The following MIB1 variants were observed in gnomAD, a reference collection of about 807,000 sequenced individuals.
MIB1 encodes E3 ubiquitin-protein ligase MIB1.
A neutral mutation model predicts 124.5 loss-of-function variants in MIB1; 278 were observed. The ratio of observed to expected loss-of-function variants is 2.23; its 90% CI spans 2.02 to 2.47. The LOEUF is 2.47. Among genes scored for constraint, MIB1 ranks in the 30% most tolerant of loss-of-function variants. The pLI, the probability that MIB1 is intolerant of heterozygous loss-of-function variation, is 0.00. For missense variants in MIB1, 957 were observed against 1,254.4 expected (o/e 0.76, Z 3.58); for synonymous variants, 446 against 429.4 (o/e 1.04, Z -0.48).
At chr18:21,828,046 AAAT>A (rs748862648) in intron 12 of MIB1, 2 of 152,102 alleles carry the variant, frequency 1.3e-5, no homozygotes, top group East Asian at 1.9e-4. Context: ...AATTTTTTAT[AAAT>A]AATATACAAA....
chr18:21,706,615 C>A (rs1411349966), intron 1 of MIB1, among the ~76,000 whole-genome samples: 1 of 152,052 alleles, frequency 6.6e-6, no homozygotes, highest in African/African-American at 2.4e-5. Flanking sequence ...ACTCTGAGCG[C>A]CGGCTGGCAC....
intron 3 of MIB1, among the ~76,000 whole-genome samples, chr18:21,772,856 G>A (rs117545555): frequency 0.022 from 3,372 of 152,188 alleles, 58 homozygotes; most frequent in Non-Finnish European, 0.035. Context: ...TGCCACCAAG[G>A]CTCTTCAAGA....
intron 6 of MIB1, among the ~76,000 whole-genome samples, chr18:21,783,425 T>A (rs952542335): frequency 6.6e-6 from 1 of 152,012 alleles, no homozygotes; most frequent in Admixed American, 6.5e-5. Context: ...GTATTTTTAG[T>A]AGAGATGGGG....
chr18:21,740,334 T>C (rs1343125571), upstream of MIB1, among the ~76,000 whole-genome samples: 1 of 152,238 alleles, frequency 6.6e-6, no homozygotes, highest in Admixed American at 6.5e-5. Flanking sequence ...ACACACCTTC[T>C]AAAAGTCTTT....
intron 12 of MIB1, among the ~76,000 whole-genome samples, chr18:21,835,571 GCCT>G (rs2042019472): frequency 6.6e-6 from 1 of 151,602 alleles, no homozygotes; most frequent in Non-Finnish European, 1.5e-5. Context: ...TTCAAGACCG[GCCT>G]GGCCAAGATG....
At chr18:21,723,116 A>G (rs1420440207) in intron 1 of MIB1, among the ~76,000 whole-genome samples, 1 of 152,176 alleles carries the variant, frequency 6.6e-6, no homozygotes, top group Non-Finnish European at 1.5e-5. Context: ...GTATAGACTC[A>G]ATGTATATTT....
At chr18:21,722,860 A>G (rs1216135043) in intron 1 of MIB1, among the ~76,000 whole-genome samples, 1 of 152,152 alleles carries the variant, frequency 6.6e-6, no homozygotes, top group Non-Finnish European at 1.5e-5. Flanking sequence ...TAGCCACATG[A>G]CATCACCAGG....
rs865983392 is a variant in MIB1 at position 21,755,099 on chromosome 18, G to T, written c.230-10673G>T. On this transcript the variant is annotated intron_variant, in intron 1 of 20. Coordinates refer to ENST00000261537, the MANE Select transcript of MIB1 (RefSeq NM_020774.4). ...TTTCATTGTTTCCCCACTTCTAGGG[G>T]TGGTGTATTATGTGGTTTGTCTTGT... Among the ~76,000 whole-genome samples the T allele has an allele frequency of 1.2e-4, 18 of 152,148 alleles. No homozygotes were observed. In the South Asian group the frequency reaches 1.9e-3, roughly 16 times the overall value.
At chr18:21,705,268 G>A (rs944662841) in intron 1 of MIB1, 2 of 152,194 alleles carry the variant, frequency 1.3e-5, no homozygotes, top group African/African-American at 2.4e-5. Context: ...CAACAGTGAG[G>A]ACATCATACT....
rs1372950409 is a variant in MIB1 at position 21,869,053 on chromosome 18, T to G, written c.*4387T>G. The G allele has an allele frequency of 6.6e-6, 1 of 152,472 alleles. No homozygotes were observed. Among genetic ancestry groups the G allele is most frequent in the Non-Finnish European group, 1.5e-5 (1 of 67,900 alleles). 9.4% of individuals were successfully genotyped at this position (152,472 alleles called of 1,614,324 possible). A position where few individuals can be genotyped will look rare whatever the true frequency, so the allele number is the denominator to read the frequency against. The stretch of plus-strand genomic sequence containing the variant: ...TGTGAGTAAAGAGGAAATGGGAACC[T>G]GAGGTTAAAATTGACATTTTTGTTT... On this transcript the variant is annotated 3_prime_UTR_variant, in exon 21 of 21. Coordinates refer to ENST00000261537, the MANE Select transcript of MIB1 (RefSeq NM_020774.4).
intron 18 of MIB1, 50 bp downstream of exon 18, chr18:21,853,268 G>A (rs2042197388): frequency 2.2e-6 from 3 of 1,369,272 alleles, no homozygotes; most frequent in Admixed American, 2.0e-5. Context: ...AATAGAAAGT[G>A]AAACAAAAAT....
At chr18:21,813,005 T>C (rs1443087278) in intron 10 of MIB1, among the ~76,000 whole-genome samples, 2 of 152,172 alleles carry the variant, frequency 1.3e-5, no homozygotes, top group Non-Finnish European at 2.9e-5. Flanking sequence ...AATTTTCTAG[T>C]GTGCGTGTGT....
At chr18:21,750,104 G>A (rs1017889023) in intron 1 of MIB1, among the ~76,000 whole-genome samples, 13 of 151,692 alleles carry the variant, frequency 8.6e-5, no homozygotes, top group African/African-American at 2.9e-4. Context: ...AAACTAAACA[G>A]TCTCTTTAAT....
chr18:21,779,645 GA>G lies in MIB1; in HGVS notation c.870del (p.Asp291IlefsTer5). ...AACTGGAACTGTTTGTGGCATTGATGAAGATCATGACATTGTAGTACAGTAT... is the reference window on the plus strand; with the variant it reads ...AACTGGAACTGTTTGTGGCATTGATGAGATCATGACATTGTAGTACAGTAT... Reference protein sequence around the residue: ...TTTGTVCGIDEDHDIVVQYPS... With the variant: ...TTTGTVCGIDXDHDIVVQYPS... On this transcript the variant is annotated frameshift_variant, in exon 6 of 21. Coordinates refer to ENST00000261537, the MANE Select transcript of MIB1 (RefSeq NM_020774.4). LOFTEE classifies it high-confidence loss of function. 1.2e-6 allele frequency: 2 copies of G among 1,614,134 alleles called. No individual in the cohort carries two copies. Among genetic ancestry groups the G allele is most frequent in the Non-Finnish European group, 1.7e-6 (2 of 1,179,982 alleles).
intron 6 of MIB1, among the ~76,000 whole-genome samples, chr18:21,786,982 CT>C (rs1010076206): frequency 6.7e-6 from 1 of 149,718 alleles, no homozygotes; most frequent in African/African-American, 2.4e-5. Context: ...TGTTTATTTT[CT>C]TATCTGCCTT....
Position 21,799,979 on chromosome 18 carries a change from G to A in MIB1, c.1371+5G>A, listed in dbSNP as rs372932176. Reference sequence around the variant, plus strand: ...CTTAAAAGACCAGATGTGGATGTGAGCATTTTAAAAATTATTTTGAAGCAT... The same window carrying A: ...CTTAAAAGACCAGATGTGGATGTGAACATTTTAAAAATTATTTTGAAGCAT... On this transcript the variant is annotated splice_donor_5th_base_variant and intron_variant, in intron 9 of 20. Coordinates refer to ENST00000261537, the MANE Select transcript of MIB1 (RefSeq NM_020774.4). The A allele has an allele frequency of 4.4e-6, 7 of 1,607,068 alleles. No individual in the cohort carries two copies. Among genetic ancestry groups the A allele is most frequent in the Non-Finnish European group, 4.3e-6 (5 of 1,175,902 alleles).
In MIB1 at chr18:21,720,493, T is replaced by C. The variant is rs199978140; in HGVS notation, n.167+15370T>C. 1.8e-4 allele frequency among the ~76,000 whole-genome samples: 27 copies of C among 147,524 alleles called. No individual in the cohort carries two copies. The East Asian group carries it at 2.1e-3, about 12-fold the overall frequency. ...ATTAAATACATTATTTTCAAATAAT[T>C]TTTTTTTTTTTAGAAAGTGGAAGGG... On this transcript the variant is annotated intron_variant and non_coding_transcript_variant, in intron 1 of 20. Transcript: ENST00000578646.
At chr18:21,782,040 C>T (rs1437672481) in intron 6 of MIB1, among the ~76,000 whole-genome samples, 1 of 152,002 alleles carries the variant, frequency 6.6e-6, no homozygotes, top group Non-Finnish European at 1.5e-5. Flanking sequence ...CTTCCTTCTA[C>T]TATTGGATTT....
chr18:21,789,637 C>T (rs761516212), intron 6 of MIB1, among the ~76,000 whole-genome samples: 2 of 151,892 alleles, frequency 1.3e-5, no homozygotes, highest in African/African-American at 2.4e-5. Flanking sequence ...GCCAACGTAG[C>T]GAAACCCTGC....
Sources: gnomAD v4.1 joint callset for allele counts (sites outside exome capture counted in the v4.1 genomes callset) on GRCh38, gnomAD v4.1.1 for gene constraint, MANE v1.5 for transcripts, NCBI Gene and HGNC (gene_info 2026-07-23, HGNC 2026-07-21) for gene names.